Variants in CTNNA1 observed in about 807,000 individuals in gnomAD.
The protein encoded by CTNNA1 is catenin alpha 1, also known as catenin alpha-1.
In CTNNA1, 37 loss-of-function variants were observed where a neutral mutation model predicts 98.4. The ratio of observed to expected loss-of-function variants is 0.38; its 90% confidence interval spans 0.29 to 0.49. The LOEUF is 0.49. Among genes scored for constraint, CTNNA1 ranks in the 20% least tolerant of loss-of-function variants. The pLI is 0.95. For synonymous variants in CTNNA1, 404 were observed against 413.2 expected (o/e 0.98, Z 0.27); for missense variants, 761 against 1,147.2 (o/e 0.66, Z 4.86).
intron 7 of CTNNA1, chr5:138,870,854 C>T (rs1259359008): frequency 3.3e-5 from 5 of 152,078 alleles, no homozygotes; most frequent in Admixed American, 1.3e-4. Flanking sequence ...GGAAGTAGGG[C>T]GCTGTGCTCT....
At chr5:138,828,867 T>A (rs1465937943) in intron 7 of CTNNA1, among the ~76,000 whole-genome samples, 1 of 152,238 alleles carries the variant, frequency 6.6e-6, no homozygotes, top group African/African-American at 2.4e-5. Context: ...TTCAAGCCTG[T>A]AGTCCCAGCG....
At chr5:138,806,276 G>T (rs1758071799) in intron 3 of CTNNA1, among the ~76,000 whole-genome samples, 1 of 151,146 alleles carries the variant, frequency 6.6e-6, no homozygotes, top group African/African-American at 2.4e-5. Flanking sequence ...GTTTTTGACA[G>T]TCTTGGTTCT....
In CTNNA1 at chr5:138,874,390, G is replaced by C; in HGVS notation, c.1063-11822G>C. 6.2e-7 allele frequency: 1 copy of C among 1,613,980 alleles called. No individual in the cohort carries two copies. ...GGCCCAGAGAGCCCTTGTCTGTGGCGTTTGGCACTGAGTGGAAGCCCTGAG... is the reference window on the plus strand; with the variant it reads ...GGCCCAGAGAGCCCTTGTCTGTGGCCTTTGGCACTGAGTGGAAGCCCTGAG... On this transcript the variant is annotated intron_variant, in intron 7 of 17. Coordinates refer to ENST00000302763, the MANE Select transcript of CTNNA1 (RefSeq NM_001903.5). This position sits in a 1 kb window ranked among gnomAD's most constrained non-coding sequence, Gnocchi z 4.1.
In CTNNA1 at chr5:138,783,520, A is replaced by G. The variant is rs926229473; in HGVS notation, c.301+148A>G. 3 of 650,400 alleles carry G rather than the reference A, an allele frequency of 4.6e-6. No homozygotes were observed. The African/African-American group carries it at 5.5e-5, about 12-fold the overall frequency. 40.3% of individuals were successfully genotyped at this position (650,400 alleles called of 1,614,324 possible). A position where few individuals can be genotyped will look rare whatever the true frequency, so the allele number is the denominator to read the frequency against. On this transcript the variant is annotated intron_variant, in intron 3 of 17. Coordinates refer to ENST00000302763, the MANE Select transcript of CTNNA1 (RefSeq NM_001903.5). ...AGTTATTGGAGATGTATTAAGTTGG[A>G]CTGGCTCATATTTTAATTCTCATTC...
chr5:138,829,678 G>A (rs748718261), intron 7 of CTNNA1, among the ~76,000 whole-genome samples: 1 of 152,202 alleles, frequency 6.6e-6, no homozygotes, highest in Non-Finnish European at 1.5e-5. Flanking sequence ...AAGACATGGA[G>A]ACTGCAGTAG....
rs1380857011 is a variant in CTNNA1 at position 138,824,732 on chromosome 5, C to T, written c.791C>T (p.Ser264Leu). The change falls in exon 6 of 18, where the codon TCA becomes TTA. Residue 264 changes from serine to leucine, a missense_variant. This residue lies in a region of CTNNA1 where 328 missense variants were observed against 354.3 expected (regional missense o/e 0.93). Coordinates refer to ENST00000302763, the MANE Select transcript of CTNNA1 (RefSeq NM_001903.5). ...TCCAATGCAGCCCAGGCCACTGCCT[C>T]AGACGATGCCTCACAGCACCAGGGT... ...GISNAAQATA[S>L]DDASQHQGGG... is the part of the protein sequence containing the mutation. 1 of 1,614,204 alleles carries T rather than the reference C, an allele frequency of 6.2e-7. No individual in the cohort carries two copies. The highest frequency in any genetic ancestry group is 1.7e-5 in the Admixed American group (1 of 60,028).
At chr5:138,784,613 A>G (rs1343196060) in intron 3 of CTNNA1, among the ~76,000 whole-genome samples, 6 of 152,240 alleles carry the variant, frequency 3.9e-5, no homozygotes, top group Admixed American at 2.6e-4. Flanking sequence ...TAGGGCTTCT[A>G]TAACATAAAT....
intron 10 of CTNNA1, among the ~76,000 whole-genome samples, chr5:138,906,740 C>T (rs968964398): frequency 3.3e-5 from 5 of 152,144 alleles, no homozygotes; most frequent in Admixed American, 6.5e-5. Flanking sequence ...AGACAGTGCC[C>T]AGACCACACT....
At chr5:138,904,251 C>A in intron 9 of CTNNA1, 98 bp from the exon 10 acceptor site, 1 of 1,406,000 alleles carries the variant, frequency 7.1e-7, no homozygotes, top group South Asian at 1.6e-5. Context: ...GTGCCCTTGT[C>A]ATCTGTTCCA....
chr5:138,932,288 C>T (rs903927302), intron 16 of CTNNA1: 16 of 1,176,468 alleles, frequency 1.4e-5, no homozygotes, highest in East Asian at 8.9e-5. Flanking sequence ...GTGGTTTCCC[C>T]GCCGTCATAG....
At chr5:138,795,231 G>T (rs1197361494) in intron 3 of CTNNA1, among the ~76,000 whole-genome samples, 2 of 151,480 alleles carry the variant, frequency 1.3e-5, no homozygotes, top group Non-Finnish European at 2.9e-5. Flanking sequence ...GGAGGCCGAG[G>T]TGGGTGGATC....
At chr5:138,822,537 C>G (rs955485933) in intron 5 of CTNNA1, among the ~76,000 whole-genome samples, 1 of 152,060 alleles carries the variant, frequency 6.6e-6, no homozygotes, top group African/African-American at 2.4e-5. Context: ...TCCCGGAAAA[C>G]TTTTAGAGCC....
rs766482319 is a variant in CTNNA1, at chr5:138,917,922, A to C, written c.1546+24A>C. ...AGGTAATGAGCTGGTTCCCCAGAGA[A>C]GTATGTGAAGATGTTCATAATTACT... On this transcript the variant is annotated intron_variant, in intron 11 of 17. Transcript: ENST00000302763. The C allele has an allele frequency of 6.2e-6, 10 of 1,610,794 alleles. No individual in the cohort carries two copies. In the Admixed American group the frequency reaches 1.2e-4, roughly 19 times the overall value.
chr5:138,820,548 G>T (rs1320332887), intron 5 of CTNNA1, among the ~76,000 whole-genome samples: 1 of 152,090 alleles, frequency 6.6e-6, no homozygotes, highest in Non-Finnish European at 1.5e-5. Flanking sequence ...CCTCGAAGTA[G>T]GGAGGTTTGT....
intron 10 of CTNNA1, among the ~76,000 whole-genome samples, chr5:138,916,928 C>T (rs1761929627): frequency 1.3e-5 from 2 of 152,004 alleles, no homozygotes; most frequent in Non-Finnish European, 2.9e-5. Context: ...GCGTGTGCCA[C>T]CACACCCGGC....
At chr5:138,770,455 C>G (rs1033949754) in intron 1 of CTNNA1, among the ~76,000 whole-genome samples, 1 of 152,204 alleles carries the variant, frequency 6.6e-6, no homozygotes, top group African/African-American at 2.4e-5. Flanking sequence ...ACTGTCACTT[C>G]ACCCCAGGAG....
At position 138,931,017 on chromosome 5, in the gene CTNNA1, T is replaced by G. The variant is rs979003528; in HGVS notation, c.2298+82T>G. 2.7e-5 allele frequency: 23 copies of G among 839,894 alleles called. No individual in the cohort carries two copies. In the African/African-American group the frequency reaches 3.5e-4, roughly 13 times the overall value. The allele number at this position is 839,894 out of a possible 1,614,324, so 52.0% of individuals were successfully genotyped here. On this transcript the variant is annotated intron_variant, in intron 16 of 17. Coordinates refer to ENST00000302763, the MANE Select transcript of CTNNA1 (RefSeq NM_001903.5). ...CAGCCTGGTCCATTCAGGGTAAGTT[T>G]CATGGGCCACAGCACTTTTGCCACT... is the stretch of plus-strand genomic sequence containing the variant.
At chr5:138,875,367 C>A in intron 7 of CTNNA1, 1 of 993,756 alleles carries the variant, frequency 1.0e-6, no homozygotes, top group Non-Finnish European at 1.2e-6. Context: ...CCACACAGAA[C>A]TGTATATAGG....
intron 3 of CTNNA1, among the ~76,000 whole-genome samples, chr5:138,791,934 G>T (rs1756430344): frequency 6.6e-6 from 1 of 151,810 alleles, no homozygotes; most frequent in African/African-American, 2.4e-5. Context: ...CGTGTACTAT[G>T]TTGGTGTGCT....
Sources: allele counts gnomAD v4.1 joint callset (sites outside exome capture counted in the v4.1 genomes callset), GRCh38; gene constraint gnomAD v4.1.1; regional missense constraint gnomAD v4.1.1; non-coding constraint Gnocchi (gnomAD v3.1); transcripts MANE v1.5; gene names NCBI Gene and HGNC (gene_info 2026-07-23, HGNC 2026-07-21).